TRIM48: variants seen among roughly 807,000 people sequenced by gnomAD.
TRIM48 encodes the protein tripartite motif containing 48.
Under a neutral mutation model 29.5 loss-of-function variants are expected in TRIM48, and 31 were observed. The observed-to-expected ratio is 1.05, with a 90% CI of 0.79 to 1.42. The LOEUF is 1.42. Among genes scored for constraint, TRIM48 ranks in the 40% most tolerant of loss-of-function variants. TRIM48 has a pLI of 0.00. For missense variants in TRIM48, 344 were observed against 265.0 expected, an observed-to-expected ratio of 1.30 and a Z score of -2.07; for synonymous variants, 128 against 90.6, an observed-to-expected ratio of 1.41 and a Z score of -2.34.
At chr11:55,267,149 G>T (rs942171076) in intron 3 of TRIM48, among the ~76,000 whole-genome samples, 1 of 147,422 alleles carries the variant, frequency 6.8e-6, no homozygotes, top group Admixed American at 6.8e-5. Flanking sequence ...TTGGAATAGA[G>T]AAATTCAAAT....
At chr11:55,263,251 C>T (rs1377415022) in intron 1 of TRIM48, among the ~76,000 whole-genome samples, 1 of 152,080 alleles carries the variant, frequency 6.6e-6, no homozygotes, top group Non-Finnish European at 1.5e-5. Flanking sequence ...ATAGAACACG[C>T]TGTACAGTTT....
intron 3 of TRIM48, among the ~76,000 whole-genome samples, chr11:55,265,919 T>C (rs1357589719): frequency 1.4e-5 from 2 of 147,586 alleles, no homozygotes; most frequent in Non-Finnish European, 3.0e-5. Context: ...AGCATGCTGA[T>C]TTGTTTTCAT....
Position 55,269,437 on chromosome 11 carries a change from C to T in TRIM48, c.*1+98C>T, listed in dbSNP as rs1215156171. ...TCATCCTTTATCAAATATTTTACTA[C>T]TTTATAAGCATAAGAGAACAATATA... On this transcript the variant is annotated intron_variant, in intron 5 of 5. Coordinates refer to ENST00000417545, the MANE Select transcript of TRIM48 (RefSeq NM_024114.5). The T allele has an allele frequency of 2.1e-6, 3 of 1,424,092 alleles. No homozygotes were observed. In the African/African-American group the frequency reaches 4.3e-5, roughly 20 times the overall value. The allele number at this position is 1,424,092 out of a possible 1,614,324, so 88.2% of individuals were successfully genotyped here. A position where few individuals can be genotyped will look rare whatever the true frequency, so the allele number is the denominator to read the frequency against.
chr11:55,270,159 C>T (rs1373319541), intron 5 of TRIM48, among the ~76,000 whole-genome samples: 1 of 147,936 alleles, frequency 6.8e-6, no homozygotes, highest in Admixed American at 6.8e-5. Flanking sequence ...GCAAATTTTG[C>T]TTTGAAAATT....
At chr11:55,265,849 T>C (rs1285062812) in intron 3 of TRIM48, among the ~76,000 whole-genome samples, 154 bp downstream of exon 3, 1 of 146,406 alleles carries the variant, frequency 6.8e-6, no homozygotes, top group East Asian at 2.2e-4. Flanking sequence ...GTCTCATTTC[T>C]TATGTAGAAT....
Position 55,265,036 on chromosome 11 carries a change from G to T in TRIM48, c.181G>T (p.Asp61Tyr). 1 of 1,584,214 alleles carries T rather than the reference G, an allele frequency of 6.3e-7. No individual in the cohort carries two copies. Among genetic ancestry groups the T allele is most frequent in the Non-Finnish European group, 8.6e-7 (1 of 1,166,274 alleles). The change falls in exon 2 of 6, where the codon GAC (aspartate) becomes TAC (tyrosine). Residue 61 changes from aspartate (D) to tyrosine (Y), a missense_variant. By Grantham distance (160) the Asp-to-Tyr change is radical (BLOSUM62 -3). Transcript: ENST00000417545. ...CRPCFYLNWQ[D>Y]IPILTQCFEC... ...GCCCTGTTTCTACCTCAACTGGCAAGACATCCCAATTCTTACTCAGTGCTT... is the reference window on the plus strand; with the variant it reads ...GCCCTGTTTCTACCTCAACTGGCAATACATCCCAATTCTTACTCAGTGCTT...
chr11:55,269,434 C>A, intron 5 of TRIM48, 95 bp downstream of exon 5: 2 of 1,443,416 alleles, frequency 1.4e-6, no homozygotes, highest in Non-Finnish European at 9.3e-7. Flanking sequence ...AAATATTTTA[C>A]TACTTTATAA....
chr11:55,268,466 A>G (rs1225742812), intron 4 of TRIM48, 94 bp downstream of exon 4: 7 of 1,251,838 alleles, frequency 5.6e-6, no homozygotes, highest in Admixed American at 2.1e-5. Context: ...CGATTAAGAT[A>G]TTGATACTAT....
intron 4 of TRIM48, 148 bp from the exon 5 acceptor site, chr11:55,269,094 G>C: frequency 2.3e-6 from 3 of 1,279,050 alleles, no homozygotes; most frequent in Non-Finnish European, 3.2e-6. Flanking sequence ...ACTGTAAATA[G>C]AAATTAATTC....
At chr11:55,267,565 G>T in intron 3 of TRIM48, 3 of 1,566,986 alleles carry the variant, frequency 1.9e-6, no homozygotes, top group South Asian at 2.4e-5. Context: ...TGGCTCATAG[G>T]AGGGAGATTT....
chr11:55,270,432 T>TC lies in TRIM48; in HGVS notation c.*2-5_*2-4insC. On this transcript the variant is annotated splice_polypyrimidine_tract_variant and splice_region_variant and intron_variant, in intron 5 of 5. Transcript: ENST00000417545. Reference sequence around the variant, plus strand: ...TTTCTATTTATTTATTTATTTATTTTGCAGTGGATATTACTCTGCATCACA... The same window carrying TC: ...TTTCTATTTATTTATTTATTTATTTTCGCAGTGGATATTACTCTGCATCACA... 2.8e-6 allele frequency: 4 copies of TC among 1,437,740 alleles called. No individual in the cohort carries two copies. The highest frequency in any genetic ancestry group is 3.8e-6 in the Non-Finnish European group (4 of 1,061,056). The allele number at this position is 1,437,740 out of a possible 1,614,324, so 89.1% of individuals were successfully genotyped here.
At position 55,269,241 on chromosome 11, in the gene TRIM48, G is replaced by A. The variant is rs750079377; in HGVS notation, c.579-1G>A. On this transcript the variant is annotated splice_acceptor_variant, in intron 4 of 5. Coordinates refer to ENST00000417545, the MANE Select transcript of TRIM48 (RefSeq NM_024114.5). LOFTEE classifies it high-confidence loss of function. ...TTGTAACTGCAGGTTTTTCCTTGCA[G>A]GAGTGAGTCCGTGCTGCTGCACATG... 6.4e-6 allele frequency: 10 copies of A among 1,573,822 alleles called. 2 individuals are homozygous for A. The highest frequency in any genetic ancestry group is 4.8e-5 in the South Asian group (4 of 83,672).
At chr11:55,268,446 A>T (rs1443898432) in intron 4 of TRIM48, 74 bp downstream of exon 4, 4 of 1,392,314 alleles carry the variant, frequency 2.9e-6, no homozygotes, top group Non-Finnish European at 4.0e-6. Flanking sequence ...TACCAAAGTC[A>T]TGGCATAAAC....
intron 1 of TRIM48, among the ~76,000 whole-genome samples, chr11:55,262,576 T>C (rs1307520833): frequency 1.3e-5 from 2 of 152,170 alleles, no homozygotes; most frequent in African/African-American, 4.8e-5. Context: ...ATGGAGTTGA[T>C]ATTTATACAT....
Position 55,264,945 on chromosome 11 carries a change from C to T in TRIM48, c.90C>T (p.Thr30=), listed in dbSNP as rs1205130704. The change falls in exon 2 of 6, where the codon ACC becomes ACT. Residue 30 remains threonine, a synonymous_variant. Coordinates refer to ENST00000417545, the MANE Select transcript of TRIM48 (RefSeq NM_024114.5). ...GISQVFQREL[T]CPICMNYFID... The stretch of plus-strand genomic sequence containing the variant: ...CGCAAGTCTTCCAGAGGGAACTCAC[C>T]TGCCCCATCTGCATGAACTACTTCA... The T allele has an allele frequency of 3.2e-6, 5 of 1,583,824 alleles. No individual in the cohort carries two copies. The highest frequency in any genetic ancestry group is 1.4e-5 in the African/African-American group (1 of 73,482).
At position 55,265,269 on chromosome 11, in the gene TRIM48, G is replaced by T. The variant is rs1348653598; in HGVS notation, c.414G>T (p.Arg138=). The T allele has an allele frequency of 6.3e-7, 1 of 1,582,372 alleles. No individual in the cohort carries two copies. Among genetic ancestry groups the T allele is most frequent in the Non-Finnish European group, 8.6e-7 (1 of 1,166,104 alleles). The change falls in exon 2 of 6, where the codon CGG becomes CGT. Residue 138 remains arginine (R), a synonymous_variant. Coordinates refer to ENST00000417545, the MANE Select transcript of TRIM48 (RefSeq NM_024114.5). ...TGTGCTCCAGCTCTCAGGAGCACCG[G>T]TATCACAGACACTGTCCCGCTGAGT... The part of the protein sequence containing the change: ...CLLCSSSQEH[R]YHRHCPAEWA...
chr11:55,263,498 A>G (rs911446437), intron 1 of TRIM48, among the ~76,000 whole-genome samples: 1 of 151,962 alleles, frequency 6.6e-6, no homozygotes, highest in Admixed American at 6.6e-5. Context: ...ACTGGAAAAA[A>G]AAAAAATGAA....
At position 55,265,012 on chromosome 11, in the gene TRIM48, C is replaced by T. The variant is rs1322826250; in HGVS notation, c.157C>T (p.Pro53Ser). 2 of 1,584,562 alleles carry T rather than the reference C, an allele frequency of 1.3e-6. No homozygotes were observed. Among genetic ancestry groups the T allele is most frequent in the East Asian group, 2.4e-5 (1 of 41,424 alleles). Residue 53 changes from proline (P) to serine (S), a missense_variant, in exon 2 of 6, where the codon CCC (proline) becomes TCC (serine). Coordinates refer to ENST00000417545, the MANE Select transcript of TRIM48 (RefSeq NM_024114.5). ...TIDCGHSFCRPCFYLNWQDIP... is the reference protein window; with the variant it reads ...TIDCGHSFCRSCFYLNWQDIP... ...AGACTGTGGGCACAGCTTTTGCAGG[C>T]CCTGTTTCTACCTCAACTGGCAAGA...
At position 55,269,007 on chromosome 11, in the gene TRIM48, C is replaced by G. The variant is rs183929741; in HGVS notation, c.579-235C>G. 4.3e-3 allele frequency among the ~76,000 whole-genome samples: 641 copies of G among 148,208 alleles called. 62 individuals carry two copies. The highest frequency in any genetic ancestry group is 7.2e-3 in the Non-Finnish European group (484 of 67,038). ...AAGGCCATAAGGCTAAGGAACTTTA[C>G]ACATTTGGGGCAAAAAATAAGAAAC... On this transcript the variant is annotated intron_variant, in intron 4 of 5. Coordinates refer to ENST00000417545, the MANE Select transcript of TRIM48 (RefSeq NM_024114.5).
Sources: gnomAD v4.1 joint callset for allele counts (sites outside exome capture counted in the v4.1 genomes callset) on GRCh38, gnomAD v4.1.1 for gene constraint, MANE v1.5 for transcripts, NCBI Gene and HGNC (gene_info 2026-07-23, HGNC 2026-07-21) for gene names.